The following NTAN1 variants were observed in gnomAD, a reference collection of about 807,000 sequenced individuals.
The protein encoded by NTAN1 is protein N-terminal asparagine amidohydrolase.
A neutral mutation model predicts 41.9 loss-of-function variants in NTAN1; 32 were observed. That is an observed-to-expected ratio of 0.76 (90% CI 0.58 to 1.03). The LOEUF (loss-of-function observed/expected upper bound fraction) is 1.03. Ranked by LOEUF, NTAN1 falls within the 50% of genes least tolerant of loss-of-function variation. The pLI, the probability that NTAN1 is intolerant of heterozygous loss-of-function variation, is 0.00. For synonymous variants in NTAN1, 140 were observed against 139.5 expected (o/e 1.00, Z -0.03); for missense variants, 377 against 377.5 (o/e 1.00, Z 0.01).
intron 4 of NTAN1, chr16:15,045,904 G>A (rs769866393): frequency 1.6e-4 from 24 of 152,226 alleles, no homozygotes; most frequent in African/African-American, 4.1e-4. Flanking sequence ...ATAGGGCACA[G>A]CCTCAAGGGG....
At chr16:15,043,355 G>C (rs1169347123) in intron 5 of NTAN1, among the ~76,000 whole-genome samples, 1 of 152,198 alleles carries the variant, frequency 6.6e-6, no homozygotes, top group African/African-American at 2.4e-5. Flanking sequence ...CCTTTTTTAA[G>C]AGTTATGGCG....
intron 1 of NTAN1, among the ~76,000 whole-genome samples, chr16:15,054,361 A>C (rs184416222): frequency 1.2e-4 from 19 of 152,314 alleles, no homozygotes; most frequent in African/African-American, 3.4e-4. Flanking sequence ...TATGTCACCA[A>C]ATCTCCCTCC....
At chr16:15,048,163 G>A in intron 1 of NTAN1, 64 bp from the exon 2 acceptor site, 1 of 1,214,288 alleles carries the variant, frequency 8.2e-7, no homozygotes, top group Non-Finnish European at 1.2e-6. Flanking sequence ...AACTAAAGAT[G>A]TGGAGAGAGC....
intron 1 of NTAN1, among the ~76,000 whole-genome samples, chr16:15,053,718 C>G (rs1280990405): frequency 1.3e-5 from 2 of 152,026 alleles, no homozygotes; most frequent in African/African-American, 4.8e-5. Flanking sequence ...CAAGAACAGC[C>G]TGGCCAACAT....
intron 5 of NTAN1, 94 bp downstream of exon 5, chr16:15,044,240 C>T: frequency 1.1e-5 from 9 of 819,060 alleles, no homozygotes; most frequent in South Asian, 7.3e-5. Context: ...GTGTGCCCTT[C>T]TTGGGTTTTG....
intron 5 of NTAN1, 77 bp downstream of exon 5, chr16:15,044,257 T>C (rs1428743658): frequency 5.6e-5 from 54 of 969,210 alleles, no homozygotes; most frequent in Non-Finnish European, 4.7e-5. Context: ...TTTGTACCAA[T>C]TGGGATTTTT....
chr16:15,043,767 G>A (rs1051279924), intron 5 of NTAN1, among the ~76,000 whole-genome samples: 4 of 152,122 alleles, frequency 2.6e-5, no homozygotes, highest in African/African-American at 9.7e-5. Context: ...GGCCAACATG[G>A]TGAAACCCCA....
At position 15,047,967 on chromosome 16, in the gene NTAN1, T is replaced by C. The variant is rs770420516; in HGVS notation, c.184+30A>G. 3 of 1,601,326 alleles carry C rather than the reference T, an allele frequency of 1.9e-6. No individual in the cohort carries two copies. The Admixed American group carries it at 5.0e-5, about 27-fold the overall frequency. ...TAAAATATCCAATAGCCTTTTGGGA[T>C]AACGCCCAATTCACTGCTTCCTAAC... On this transcript the variant is annotated intron_variant, in intron 2 of 9. Transcript: ENST00000287706.
Position 15,044,365 on chromosome 16 carries a change from C to A in NTAN1, c.402G>T (p.Gln134His). 1 of 1,613,428 alleles carries A rather than the reference C, an allele frequency of 6.2e-7. No individual in the cohort carries two copies. ...GTTGATGAGTGAGTTTTTGTGACAA[C>A]TGCCTGTCGTCACTGAAGCCTCCAA... ...HLVGGFSDDRQLSQKLTHQLL... is the reference protein window; with the variant it reads ...HLVGGFSDDRHLSQKLTHQLL... Residue 134 changes from glutamine (Q) to histidine (H), a missense_variant, in exon 5 of 10, where the codon CAG becomes CAT. Physicochemically the swap from Gln to His is conservative, Grantham distance 24. Coordinates refer to ENST00000287706, the MANE Select transcript of NTAN1 (RefSeq NM_173474.4).
chr16:15,050,547 A>G (rs1260587299), intron 1 of NTAN1, among the ~76,000 whole-genome samples: 1 of 152,144 alleles, frequency 6.6e-6, no homozygotes, highest in Non-Finnish European at 1.5e-5. Flanking sequence ...AGCCTGGGCA[A>G]CAAGGAAGAT....
intron 1 of NTAN1, among the ~76,000 whole-genome samples, chr16:15,054,421 AT>A (rs2044419177): frequency 6.6e-6 from 1 of 152,186 alleles, no homozygotes; most frequent in Non-Finnish European, 1.5e-5. Context: ...TATCACGGAC[AT>A]TTTCAAACAG....
intron 4 of NTAN1, chr16:15,045,123 CA>C (rs71150202): frequency 0.012 from 1,154 of 98,690 alleles, 21 homozygotes; most frequent in African/African-American, 0.037. Context: ...GACTCTATCT[CA>C]AAAAAAAAAA....
chr16:15,038,545 T>G (rs1199454455), intron 9 of NTAN1, 29 bp downstream of exon 9: 1 of 1,251,634 alleles, frequency 8.0e-7, no homozygotes, highest in African/African-American at 1.5e-5. Context: ...TGCAGAGATT[T>G]AAGACTTACC....
At chr16:15,041,774 C>T (rs1597763096) in intron 5 of NTAN1, 98 bp from the exon 6 acceptor site, 2 of 860,700 alleles carry the variant, frequency 2.3e-6, no homozygotes, top group East Asian at 5.0e-5. Flanking sequence ...CGGCAGCCAA[C>T]TGAGTGTGCT....
chr16:15,040,917 C>A, intron 7 of NTAN1, 151 bp downstream of exon 7: 1 of 659,264 alleles, frequency 1.5e-6, no homozygotes, highest in South Asian at 1.8e-5. Context: ...AAGCTACTTG[C>A]CCAAGGCCTC....
intron 1 of NTAN1, 66 bp from the exon 2 acceptor site, chr16:15,048,165 G>A (rs2044151803): frequency 8.6e-7 from 1 of 1,166,570 alleles, no homozygotes; most frequent in Non-Finnish European, 1.3e-6. Flanking sequence ...CTAAAGATGT[G>A]GAGAGAGCCA....
At chr16:15,052,183 A>G (rs1188510140) in intron 1 of NTAN1, among the ~76,000 whole-genome samples, 1 of 152,214 alleles carries the variant, frequency 6.6e-6, no homozygotes, top group Non-Finnish European at 1.5e-5. Context: ...CTCTGCTGTT[A>G]TTATGAAGTG....
At chr16:15,044,003 T>G (rs944873843) in intron 5 of NTAN1, among the ~76,000 whole-genome samples, 1 of 152,020 alleles carries the variant, frequency 6.6e-6, no homozygotes. Context: ...GTATCATCAG[T>G]GTTTTAATTT....
chr16:15,040,968 T>C, intron 7 of NTAN1, 100 bp downstream of exon 7: 1 of 824,774 alleles, frequency 1.2e-6, no homozygotes, highest in Non-Finnish European at 2.1e-6. Context: ...AACCCAAAGC[T>C]GTCCCATCCT....
Sources: allele counts gnomAD v4.1 joint callset (sites outside exome capture counted in the v4.1 genomes callset), GRCh38; gene constraint gnomAD v4.1.1; transcripts MANE v1.5; gene names NCBI Gene and HGNC (gene_info 2026-07-23, HGNC 2026-07-21).